RYR2: variants seen among roughly 807,000 people sequenced by gnomAD.
RYR2 encodes the protein cardiac muscle ryanodine receptor-calcium release channel.
RYR2 carries 227 observed loss-of-function variants against 601.1 expected under a neutral mutation model. The ratio of observed to expected loss-of-function variants is 0.38; its 90% CI spans 0.34 to 0.42. The LOEUF (loss-of-function observed/expected upper bound fraction) is 0.42, where lower values mean the gene tolerates loss of function less well. Among genes scored for constraint, RYR2 ranks in the 10% least tolerant of loss-of-function variants. RYR2 has a pLI of 1.00. For synonymous variants in RYR2, 2,223 were observed against 2,175.1 expected (o/e 1.02, Z -0.61); for missense variants, 4,646 against 6,156.5 (o/e 0.75, Z 8.21).
chr1:237,561,973 A>T (rs984586698), intron 27 of RYR2, among the ~76,000 whole-genome samples: 10 of 152,224 alleles, frequency 6.6e-5, no homozygotes, highest in African/African-American at 2.4e-4. Flanking sequence ...GAGATTCAAA[A>T]CATTCATTTA....
At chr1:237,726,251 A>T (rs1690185582) in intron 74 of RYR2, 22 bp from the exon 75 acceptor site, 4 of 1,531,836 alleles carry the variant, frequency 2.6e-6, no homozygotes, top group Non-Finnish European at 1.8e-6. Flanking sequence ...TTTAGCTAAC[A>T]TAACATTTTT....
intron 1 of RYR2, among the ~76,000 whole-genome samples, chr1:237,198,796 A>T (rs1680851999): frequency 6.6e-6 from 1 of 152,028 alleles, no homozygotes; most frequent in African/African-American, 2.4e-5. Context: ...AGGATTCAGA[A>T]AATCACTGTG....
At chr1:237,623,949 T>C (rs1679375499) in intron 39 of RYR2, 79 bp downstream of exon 39, 1 of 914,308 alleles carries the variant, frequency 1.1e-6, no homozygotes, top group Non-Finnish European at 1.8e-6. Flanking sequence ...TAAGTGTATA[T>C]GCGAATATTT....
chr1:237,393,576 A>T (rs530587563), intron 10 of RYR2, among the ~76,000 whole-genome samples: 2 of 152,196 alleles, frequency 1.3e-5, no homozygotes, highest in Non-Finnish European at 1.5e-5. Flanking sequence ...TTGTTCTCCA[A>T]AATGGTCAAG....
chr1:237,303,485 A>G (rs1693574089), intron 2 of RYR2, among the ~76,000 whole-genome samples: 1 of 151,668 alleles, frequency 6.6e-6, no homozygotes, highest in African/African-American at 2.4e-5. Context: ...TTTTTAGTAG[A>G]GACGGGGTTT....
intron 9 of RYR2, 125 bp downstream of exon 9, chr1:237,387,505 C>A: frequency 1.3e-6 from 1 of 773,886 alleles, no homozygotes; most frequent in Non-Finnish European, 2.1e-6. Flanking sequence ...TTCTGTAATG[C>A]AGATACCTGA....
intron 1 of RYR2, among the ~76,000 whole-genome samples, chr1:237,263,235 T>A (rs577663400): frequency 6.6e-6 from 1 of 152,320 alleles, no homozygotes; most frequent in African/African-American, 2.4e-5. Context: ...AATAAGATCT[T>A]ACCTTGGCAG....
intron 38 of RYR2, among the ~76,000 whole-genome samples, chr1:237,621,469 G>C (rs1315759397): frequency 6.6e-6 from 1 of 151,912 alleles, no homozygotes; most frequent in Non-Finnish European, 1.5e-5. Context: ...CCAAAAGCTG[G>C]TTTTTAAAAA....
intron 33 of RYR2, among the ~76,000 whole-genome samples, chr1:237,595,234 G>T (rs1463872988): frequency 6.6e-6 from 1 of 152,104 alleles, no homozygotes; most frequent in Non-Finnish European, 1.5e-5. Flanking sequence ...GAGAGAAGGT[G>T]CAGGTCAGTT....
At chr1:237,342,103 C>G (rs1049249467) in intron 3 of RYR2, among the ~76,000 whole-genome samples, 7 of 151,858 alleles carry the variant, frequency 4.6e-5, no homozygotes, top group African/African-American at 1.7e-4. Context: ...TATTTCATCT[C>G]TGATTTGAAG....
chr1:237,224,164 A>C (rs1684113069), intron 1 of RYR2, among the ~76,000 whole-genome samples: 1 of 152,208 alleles, frequency 6.6e-6, no homozygotes, highest in Non-Finnish European at 1.5e-5. Flanking sequence ...TTTTTCAATG[A>C]ATATATTGGA....
chr1:237,642,686 C>T (rs1001083334), intron 47 of RYR2, among the ~76,000 whole-genome samples: 7 of 152,136 alleles, frequency 4.6e-5, no homozygotes, highest in Non-Finnish European at 1.0e-4. Flanking sequence ...AACAGATGCC[C>T]ATCCCGGCTC....
chr1:237,561,624 GC>G (rs1256279591), intron 27 of RYR2, among the ~76,000 whole-genome samples: 3 of 152,102 alleles, frequency 2.0e-5, no homozygotes, highest in South Asian at 2.1e-4. Context: ...GTACAGATGG[GC>G]AGAGAGAACA....
intron 11 of RYR2, among the ~76,000 whole-genome samples, chr1:237,421,187 C>A (rs904730226): frequency 1.3e-5 from 2 of 152,176 alleles, no homozygotes; most frequent in Non-Finnish European, 2.9e-5. Flanking sequence ...TACAGTGAGC[C>A]AAGATCGCGC....
chr1:237,129,249 G>A (rs2490380), intron 1 of RYR2, among the ~76,000 whole-genome samples: 85,189 of 152,014 alleles, frequency 0.56, 24,595 homozygotes, highest in South Asian at 0.72. Flanking sequence ...TTAGTTCCTT[G>A]AAAATATAAG....
At chr1:237,045,790 T>C (rs200345871) in intron 1 of RYR2, among the ~76,000 whole-genome samples, 56 of 146,046 alleles carry the variant, frequency 3.8e-4, no homozygotes, top group African/African-American at 9.9e-4. Flanking sequence ...TTTTTTTTTT[T>C]CCAACAATCA....
intron 63 of RYR2, among the ~76,000 whole-genome samples, chr1:237,696,519 A>T (rs952662674): frequency 2.0e-5 from 3 of 146,958 alleles, no homozygotes; most frequent in Non-Finnish European, 4.5e-5. Context: ...TCTGGCTTAG[A>T]TCTCTTCCCT....
intron 97 of RYR2, among the ~76,000 whole-genome samples, chr1:237,798,714 ACTG>A (rs1299953092): frequency 6.6e-6 from 1 of 151,996 alleles, no homozygotes; most frequent in African/African-American, 2.4e-5. Flanking sequence ...CTCTTTATAT[ACTG>A]CTTTCATGGA....
chr1:237,593,090 A>G (rs920473104), intron 32 of RYR2, among the ~76,000 whole-genome samples: 2 of 151,696 alleles, frequency 1.3e-5, no homozygotes, highest in African/African-American at 4.8e-5. Flanking sequence ...AAGCTTCCCT[A>G]TGCTTAATGG....
Sources: allele counts gnomAD v4.1 joint callset (sites outside exome capture counted in the v4.1 genomes callset), GRCh38; gene constraint gnomAD v4.1.1; transcripts MANE v1.5; gene names NCBI Gene and HGNC (gene_info 2026-07-23, HGNC 2026-07-21).